RIT2: variants seen among roughly 807,000 people sequenced by gnomAD.
The protein encoded by RIT2 is Ras like without CAAX 2.
RIT2 carries 24 observed loss-of-function variants against 23.7 expected under a neutral mutation model. The observed-to-expected ratio is 1.01, with a 90% CI of 0.73 to 1.43. The LOEUF is 1.43. Among genes scored for constraint, RIT2 ranks in the 40% most tolerant of loss-of-function variants. The probability of loss-of-function intolerance (pLI) is 0.00; values close to 1 mark genes in which losing one functional copy is unlikely to be tolerated. For missense variants in RIT2, 236 were observed against 266.9 expected, an observed-to-expected ratio of 0.88 and a Z score of 0.81; for synonymous variants, 107 against 91.1, an observed-to-expected ratio of 1.17 and a Z score of -0.99.
rs538762257 is a variant in RIT2, at chr18:43,051,142, G to T, written c.104-17275C>A. Among the ~76,000 whole-genome samples, 5 of 152,166 alleles carry T rather than the reference G, an allele frequency of 3.3e-5. No homozygotes were observed. The East Asian group carries it at 5.8e-4, about 18-fold the overall frequency. Reference sequence around the variant, plus strand: ...ATCTGACGGTATCTCCAAGTAGATAGTGTCCCCCCTGACTTAGAGGAGACC... The same window carrying T: ...ATCTGACGGTATCTCCAAGTAGATATTGTCCCCCCTGACTTAGAGGAGACC... On this transcript the variant is annotated intron_variant, in intron 1 of 4. Coordinates refer to ENST00000326695, the MANE Select transcript of RIT2 (RefSeq NM_002930.4).
In RIT2 at chr18:42,943,108, G is replaced by A. The variant is rs534017955; in HGVS notation, c.235-19345C>T. On this transcript the variant is annotated intron_variant, in intron 3 of 4. Coordinates refer to ENST00000326695, the MANE Select transcript of RIT2 (RefSeq NM_002930.4). ...AGCTCCTACAGGTGGAAGGGGACCCGAACAGGTTGCCACTGCTGGCTGGTG... is the reference window on the plus strand; with the variant it reads ...AGCTCCTACAGGTGGAAGGGGACCCAAACAGGTTGCCACTGCTGGCTGGTG... 9.3e-4 allele frequency among the ~76,000 whole-genome samples: 141 copies of A among 152,180 alleles called. 1 individual carries two copies. The highest frequency in any genetic ancestry group is 3.1e-3 in the African/African-American group (130 of 41,548).
chr18:43,081,236 CACTT>C (rs1913150636), intron 1 of RIT2, among the ~76,000 whole-genome samples: 1 of 152,114 alleles, frequency 6.6e-6, no homozygotes, highest in Admixed American at 6.6e-5. Flanking sequence ...TACATAATAA[CACTT>C]AGAAAAATAA....
chr18:43,096,363 G>A (rs1218584530), intron 1 of RIT2, among the ~76,000 whole-genome samples: 1 of 151,846 alleles, frequency 6.6e-6, no homozygotes, highest in Non-Finnish European at 1.5e-5. Context: ...AGTATCCTTT[G>A]AGATTTAGAG....
At chr18:42,814,510 T>C (rs1365369683) in intron 4 of RIT2, among the ~76,000 whole-genome samples, 1 of 152,124 alleles carries the variant, frequency 6.6e-6, no homozygotes, top group Non-Finnish European at 1.5e-5. Context: ...CCTGGGATCA[T>C]AACTCCATTG....
chr18:42,845,549 A>C (rs1474413075), intron 4 of RIT2, among the ~76,000 whole-genome samples: 3 of 150,680 alleles, frequency 2.0e-5, no homozygotes, highest in African/African-American at 7.3e-5. Context: ...ATAACTGTAG[A>C]ATGTACATGT....
intron 1 of RIT2, among the ~76,000 whole-genome samples, chr18:43,089,269 C>A (rs533787834): frequency 6.6e-6 from 1 of 151,662 alleles, no homozygotes; most frequent in East Asian, 1.9e-4. Context: ...AATCAATGTG[C>A]GAAAATCAAC....
At chr18:42,745,541 G>T (rs1229730636) in intron 4 of RIT2, among the ~76,000 whole-genome samples, 1 of 152,126 alleles carries the variant, frequency 6.6e-6, no homozygotes, top group Admixed American at 6.6e-5. Flanking sequence ...AACCCTATGA[G>T]ATAAAACATG....
rs542228487 is a variant in RIT2 at position 42,871,123 on chromosome 18, G to C, written c.426+52449C>G. Among the ~76,000 whole-genome samples the C allele has an allele frequency of 1.9e-3, 292 of 152,274 alleles. 2 individuals carry two copies. In the South Asian group the frequency reaches 0.022, roughly 12 times the overall value. On this transcript the variant is annotated intron_variant, in intron 4 of 4. Coordinates refer to ENST00000326695, the MANE Select transcript of RIT2 (RefSeq NM_002930.4). ...AGATATTATTATTCAGTTCATGTTT[G>C]TAAAATATCTCTAAGATTAAGTCTT... is the stretch of plus-strand genomic sequence containing the variant.
chr18:42,783,822 T>C (rs1342441726), intron 4 of RIT2, among the ~76,000 whole-genome samples: 1 of 152,080 alleles, frequency 6.6e-6, no homozygotes, highest in Non-Finnish European at 1.5e-5. Flanking sequence ...TTGGTGGACA[T>C]GAGAGCTGGA....
At chr18:42,776,800 A>C (rs1371167976) in intron 4 of RIT2, among the ~76,000 whole-genome samples, 1 of 152,188 alleles carries the variant, frequency 6.6e-6, no homozygotes, top group Non-Finnish European at 1.5e-5. Flanking sequence ...AATAATTCAC[A>C]TGCAGGAGAT....
At chr18:42,765,522 A>G (rs1409975793) in intron 4 of RIT2, among the ~76,000 whole-genome samples, 1 of 152,156 alleles carries the variant, frequency 6.6e-6, no homozygotes, top group Non-Finnish European at 1.5e-5. Flanking sequence ...GACCTGCCAT[A>G]TTTAAGACAG....
chr18:42,977,447 A>T (rs1308054129), intron 2 of RIT2, among the ~76,000 whole-genome samples: 1 of 152,080 alleles, frequency 6.6e-6, no homozygotes, highest in East Asian at 1.9e-4. Flanking sequence ...ATAATTATTC[A>T]TACTGTTGAT....
chr18:43,034,009 A>G, intron 1 of RIT2, 142 bp from the exon 2 acceptor site: 1 of 583,822 alleles, frequency 1.7e-6, no homozygotes. Flanking sequence ...TTCACACAAA[A>G]TGAAAACAAT....
chr18:42,972,606 A>G (rs1910387826), intron 3 of RIT2, among the ~76,000 whole-genome samples: 1 of 151,856 alleles, frequency 6.6e-6, no homozygotes, highest in Non-Finnish European at 1.5e-5. Context: ...TATAGTTAAA[A>G]TCTACTTTGT....
intron 1 of RIT2, among the ~76,000 whole-genome samples, chr18:43,064,876 G>T (rs571064259): frequency 2.0e-5 from 3 of 152,068 alleles, no homozygotes; most frequent in African/African-American, 7.2e-5. Flanking sequence ...AAGTGCAGTG[G>T]CACAATCTCA....
At chr18:42,980,486 GGTAGGTAA>G (rs1910574347) in intron 2 of RIT2, among the ~76,000 whole-genome samples, 1 of 151,996 alleles carries the variant, frequency 6.6e-6, no homozygotes, top group Non-Finnish European at 1.5e-5. Flanking sequence ...ACTACCACTA[GGTAGGTAA>G]TAGGGTAGTT....
chr18:43,028,997 ATGC>A (rs549160774), intron 2 of RIT2, among the ~76,000 whole-genome samples: 199 of 152,180 alleles, frequency 1.3e-3, no homozygotes, highest in Middle Eastern at 3.4e-3. Flanking sequence ...CATTTGTTCC[ATGC>A]TGGTCTAACA....
At chr18:42,987,959 G>A (rs189961081) in intron 2 of RIT2, among the ~76,000 whole-genome samples, 45 of 152,236 alleles carry the variant, frequency 3.0e-4, no homozygotes, top group Non-Finnish European at 3.2e-4. Flanking sequence ...GGATCCACCC[G>A]CATGACCCAG....
chr18:43,039,390 C>T (rs1478331110), intron 1 of RIT2, among the ~76,000 whole-genome samples: 2 of 145,954 alleles, frequency 1.4e-5, no homozygotes, highest in African/African-American at 5.1e-5. Flanking sequence ...CTCCTGTTGG[C>T]CAGGCTGGAG....
Sources: gnomAD v4.1 joint callset for allele counts (sites outside exome capture counted in the v4.1 genomes callset) on GRCh38, gnomAD v4.1.1 for gene constraint, MANE v1.5 for transcripts, NCBI Gene and HGNC (gene_info 2026-07-23, HGNC 2026-07-21) for gene names.